The following FDFT1 variants were observed in gnomAD, a reference collection of about 807,000 sequenced individuals.
The protein encoded by FDFT1 is farnesyl-diphosphate farnesyltransferase 1, also known as squalene synthase.
A neutral mutation model predicts 46.8 loss-of-function variants in FDFT1; 68 were observed. The observed-to-expected ratio is 1.45, with a 90% CI of 1.19 to 1.78. The LOEUF (loss-of-function observed/expected upper bound fraction) is 1.78, where lower values mean the gene tolerates loss of function less well. FDFT1 is among the 40% of genes most tolerant of loss of function. The pLI is 0.00. For missense variants in FDFT1, 928 were observed against 524.4 expected (o/e 1.77, Z -7.52); for synonymous variants, 351 against 185.1 (o/e 1.90, Z -7.28).
intron 3 of FDFT1, among the ~76,000 whole-genome samples, chr8:11,819,405 G>A (rs1585930195): frequency 6.6e-6 from 1 of 152,150 alleles, no homozygotes; most frequent in African/African-American, 2.4e-5. Flanking sequence ...GCCTTGCTAG[G>A]TTGGGGAAGT....
chr8:11,835,848 A>G (rs1436134214), intron 7 of FDFT1, among the ~76,000 whole-genome samples: 1 of 151,938 alleles, frequency 6.6e-6, no homozygotes, highest in African/African-American at 2.4e-5. Context: ...CAAAAGTGAA[A>G]TGTCACCGAG....
At position 11,826,166 on chromosome 8, in the gene FDFT1, G is replaced by C. The variant is rs1412244818; in HGVS notation, c.653G>C (p.Arg218Pro). The C allele has an allele frequency of 6.3e-7, 1 of 1,596,862 alleles. No homozygotes were observed. Among genetic ancestry groups the C allele is most frequent in the Non-Finnish European group, 8.6e-7 (1 of 1,167,232 alleles). ...GLFLQKTNII[R>P]DYLEDQQGGR... is the part of the protein sequence containing the mutation. Reference sequence around the variant, plus strand: ...TTTTTGCAGAAAACAAACATCATCCGTGACTATCTGGAAGACCAGCAAGGA... The same window carrying C: ...TTTTTGCAGAAAACAAACATCATCCCTGACTATCTGGAAGACCAGCAAGGA... Residue 218 changes from arginine to proline, a missense_variant, in exon 5 of 8, where the codon CGT becomes CCT. Physicochemically the swap from Arg to Pro is moderately radical, Grantham distance 103. Transcript: ENST00000220584.
At chr8:11,836,309 C>T (rs951330557) in intron 7 of FDFT1, among the ~76,000 whole-genome samples, 18 of 152,206 alleles carry the variant, frequency 1.2e-4, no homozygotes, top group African/African-American at 4.3e-4. Context: ...TGTGTCACTG[C>T]CACTCATCTT....
upstream of FDFT1, chr8:11,801,905 G>A (rs975451258): frequency 2.9e-5 from 13 of 451,176 alleles, no homozygotes; most frequent in African/African-American, 2.4e-4. Context: ...TGGCCAGGAT[G>A]GTCTCGATCT....
exon 1 of FDFT1, chr8:11,795,776 A>C (rs896090391): frequency 6.6e-6 from 1 of 152,388 alleles, no homozygotes; most frequent in African/African-American, 2.4e-5. Flanking sequence ...GCGCCGACTT[A>C]AGAGCTGTAA....
intron 7 of FDFT1, among the ~76,000 whole-genome samples, chr8:11,832,149 C>T (rs375929543): frequency 2.0e-5 from 3 of 152,228 alleles, no homozygotes; most frequent in African/African-American, 4.8e-5. Context: ...CATCAAGTTG[C>T]AATTATTTCC....
chr8:11,808,569 T>G (rs1049606287), intron 1 of FDFT1: 1 of 1,379,882 alleles, frequency 7.2e-7, no homozygotes, highest in Admixed American at 3.5e-5. Flanking sequence ...CAAGCGCACC[T>G]TGGTGCTGAG....
chr8:11,809,297 T>G (rs1458674697), intron 2 of FDFT1: 1 of 1,094,056 alleles, frequency 9.1e-7, no homozygotes, highest in Admixed American at 4.7e-5. Flanking sequence ...CCTTTATGTA[T>G]GATCGTATTT....
chr8:11,820,918 T>G (rs1172691694), intron 3 of FDFT1, among the ~76,000 whole-genome samples: 1 of 152,158 alleles, frequency 6.6e-6, no homozygotes. Flanking sequence ...GGTACCTCAG[T>G]TGGAAATGCA....
chr8:11,829,520 T>G (rs1207469123), intron 5 of FDFT1, among the ~76,000 whole-genome samples: 1 of 152,272 alleles, frequency 6.6e-6, no homozygotes, highest in East Asian at 1.9e-4. Flanking sequence ...AGTCATTATT[T>G]AGAGGCCTGG....
intron 7 of FDFT1, among the ~76,000 whole-genome samples, chr8:11,835,604 T>C (rs1378929616): frequency 6.6e-6 from 1 of 152,194 alleles, no homozygotes; most frequent in Non-Finnish European, 1.5e-5. Flanking sequence ...GTGCCAGCGA[T>C]TGATTCCAAA....
upstream of FDFT1, among the ~76,000 whole-genome samples, chr8:11,799,199 T>G (rs1486971244): frequency 6.6e-6 from 1 of 152,186 alleles, no homozygotes; most frequent in Non-Finnish European, 1.5e-5. Context: ...GAGTGTACAG[T>G]TTCTGTAAAC....
intron 1 of FDFT1, among the ~76,000 whole-genome samples, chr8:11,797,099 C>T (rs373740759): frequency 4.1e-4 from 62 of 152,236 alleles, no homozygotes; most frequent in African/African-American, 1.2e-3. Context: ...CTGGGTGTTG[C>T]GATGGCAATG....
chr8:11,815,871 A>G (rs1166248704), intron 3 of FDFT1, among the ~76,000 whole-genome samples: 1 of 152,156 alleles, frequency 6.6e-6, no homozygotes, highest in Non-Finnish European at 1.5e-5. Flanking sequence ...CTTTAGTTGA[A>G]TTAGATCCCA....
At chr8:11,802,674 T>G, upstream of FDFT1, 1 of 635,758 alleles carries the variant, frequency 1.6e-6, no homozygotes, top group Non-Finnish European at 2.7e-6. Flanking sequence ...CGAGGCCGGT[T>G]GAAGTGGGCG....
chr8:11,799,232 G>A (rs369747486), upstream of FDFT1, among the ~76,000 whole-genome samples: 1 of 152,354 alleles, frequency 6.6e-6, no homozygotes, highest in African/African-American at 2.4e-5. Context: ...TCCACGGTCG[G>A]CGGTCTTATC....
At chr8:11,799,894 C>G (rs531042305), upstream of FDFT1, among the ~76,000 whole-genome samples, 62 of 146,070 alleles carry the variant, frequency 4.2e-4, no homozygotes, top group African/African-American at 1.5e-3. Flanking sequence ...TGCAGTGAAC[C>G]AAGATCGCGC....
At chr8:11,815,866 G>C (rs529709126) in intron 3 of FDFT1, among the ~76,000 whole-genome samples, 4 of 152,244 alleles carry the variant, frequency 2.6e-5, no homozygotes, top group African/African-American at 7.2e-5. Flanking sequence ...AAGCTCTTTA[G>C]TTGAATTAGA....
At position 11,838,405 on chromosome 8, in the gene FDFT1, C is replaced by A. The variant is rs781251270; in HGVS notation, c.1050C>A (p.Pro350=). Residue 350 remains proline (P), a synonymous_variant, in exon 8 of 8, where the codon CCC becomes CCA. Coordinates refer to ENST00000220584, the MANE Select transcript of FDFT1 (RefSeq NM_004462.5). The part of the protein sequence containing the change: ...QYMEEIYHRI[P]DSDPSSSKTR... ...TTTAACAGATTTATCATAGAATCCC[C>A]GACTCAGACCCATCTTCTAGCAAAA... The A allele has an allele frequency of 1.2e-6, 2 of 1,613,490 alleles. No individual in the cohort carries two copies. Among genetic ancestry groups the A allele is most frequent in the Non-Finnish European group, 8.5e-7 (1 of 1,179,550 alleles).
Sources: gnomAD v4.1 joint callset for allele counts (sites outside exome capture counted in the v4.1 genomes callset) on GRCh38, gnomAD v4.1.1 for gene constraint, MANE v1.5 for transcripts, NCBI Gene and HGNC (gene_info 2026-07-23, HGNC 2026-07-21) for gene names.